The following GRK7 variants were observed in gnomAD, a reference collection of about 807,000 sequenced individuals.
The protein encoded by GRK7 is G protein-coupled receptor kinase 7.
In GRK7, 24 loss-of-function variants were observed where a neutral mutation model predicts 34.1. That is an observed-to-expected ratio of 0.70 (90% CI 0.51 to 0.99). GRK7 has a LOEUF of 0.99. Among genes scored for constraint, GRK7 ranks in the 50% least tolerant of loss-of-function variants. The pLI, the probability that GRK7 is intolerant of heterozygous loss-of-function variation, is 0.00. For missense variants in GRK7, 644 were observed against 707.3 expected (o/e 0.91, Z 1.02); for synonymous variants, 256 against 279.4 (o/e 0.92, Z 0.84).
At position 141,782,939 on chromosome 3, in the gene GRK7, G is replaced by T. The variant is rs368745528; in HGVS notation, c.1050+2128G>T. On this transcript the variant is annotated intron_variant, in intron 4 of 5. Transcript: ENST00000682958. ...TAACAATAGATTAAACAAGACAGAGGTTTATTTTTCTTATGTAACAGGGTG... is the reference window on the plus strand; with the variant it reads ...TAACAATAGATTAAACAAGACAGAGTTTTATTTTTCTTATGTAACAGGGTG... Among the ~76,000 whole-genome samples, 532 of 152,290 alleles carry T rather than the reference G, an allele frequency of 3.5e-3. 2 individuals carry two copies. Among genetic ancestry groups the T allele is most frequent in the Middle Eastern group, 0.017 (5 of 294 alleles).
the GRK7 span, among the ~76,000 whole-genome samples, chr3:141,752,909 A>G: frequency 6.6e-6 from 1 of 152,340 alleles, no homozygotes; most frequent in Admixed American, 6.5e-5. Context: ...GTGAGAAGGC[A>G]GCTATCTGCC....
upstream of GRK7, among the ~76,000 whole-genome samples, chr3:141,762,322 T>C (rs1308882530): frequency 2.0e-5 from 3 of 150,904 alleles, no homozygotes; most frequent in Admixed American, 6.6e-5. Flanking sequence ...TTTGTTAGTT[T>C]TCCTTCTAAC....
the GRK7 span, among the ~76,000 whole-genome samples, chr3:141,754,876 G>A: frequency 1.3e-5 from 2 of 152,032 alleles, no homozygotes; most frequent in African/African-American, 2.4e-5. Flanking sequence ...ACATCTTCAT[G>A]TTTATATTTT....
At chr3:141,786,485 C>T (rs1225918549) in intron 4 of GRK7, among the ~76,000 whole-genome samples, 1 of 152,086 alleles carries the variant, frequency 6.6e-6, no homozygotes, top group Non-Finnish European at 1.5e-5. Context: ...GTTTTAATTA[C>T]AGTTACTAGT....
At chr3:141,792,634 C>G (rs2084729923) in intron 4 of GRK7, among the ~76,000 whole-genome samples, 1 of 152,108 alleles carries the variant, frequency 6.6e-6, no homozygotes, top group East Asian at 1.9e-4. Flanking sequence ...TCCCTGGAAA[C>G]AGACTGAGAC....
intron 5 of GRK7, among the ~76,000 whole-genome samples, 192 bp from the exon 6 acceptor site, chr3:141,816,522 A>G (rs1041675532): frequency 2.0e-4 from 30 of 152,240 alleles, no homozygotes; most frequent in Admixed American, 2.0e-3. Context: ...TGAGAATGCT[A>G]CTGTCTACTT....
intron 4 of GRK7, among the ~76,000 whole-genome samples, chr3:141,789,201 G>A (rs1320421704): frequency 6.6e-6 from 1 of 152,122 alleles, no homozygotes; most frequent in East Asian, 1.9e-4. Flanking sequence ...AGTTATTATG[G>A]GACAGAACTA....
At chr3:141,815,236 TTTGTTTG>T (rs1559849441) in intron 5 of GRK7, among the ~76,000 whole-genome samples, 133 of 21,116 alleles carry the variant, frequency 6.3e-3, no homozygotes, top group African/African-American at 0.023. Flanking sequence ...GTTTTTTTTG[TTTGTTTG>T]TTTGTTTGTT....
At chr3:141,814,225 T>TAA (rs11448308) in intron 5 of GRK7, among the ~76,000 whole-genome samples, 5,095 of 151,834 alleles carry the variant, frequency 0.034, 269 homozygotes, top group African/African-American at 0.11. Flanking sequence ...GACATTTCTT[T>TAA]AAAAAAAAAT....
Position 141,780,614 on chromosome 3 carries a change from A to T in GRK7, c.853A>T (p.Thr285Ser). 1.2e-6 allele frequency: 2 copies of T among 1,614,202 alleles called. No individual in the cohort carries two copies. The highest frequency in any genetic ancestry group is 1.7e-6 in the Non-Finnish European group (2 of 1,180,034). The part of the protein sequence containing the change: ...DLKFHIYNVG[T>S]RGLDMSRVIF... ...CAAGTTCCACATCTACAACGTGGGC[A>T]CGCGTGGCCTGGACATGAGCCGGGT... Residue 285 changes from threonine (T) to serine (S), a missense_variant, in exon 4 of 6, where the codon ACG becomes TCG. Transcript: ENST00000682958.
chr3:141,780,132 C>T (rs1466928290), intron 3 of GRK7, among the ~76,000 whole-genome samples: 6 of 152,188 alleles, frequency 3.9e-5, no homozygotes, highest in Admixed American at 1.3e-4. Flanking sequence ...TTAAAGGTTT[C>T]GATTTCTCCA....
intron 4 of GRK7, among the ~76,000 whole-genome samples, chr3:141,799,588 G>C (rs1373127054): frequency 6.6e-6 from 1 of 151,892 alleles, no homozygotes; most frequent in Non-Finnish European, 1.5e-5. Flanking sequence ...CTCCAGTCTG[G>C]GTGATAGAGT....
the GRK7 span, among the ~76,000 whole-genome samples, chr3:141,754,432 C>CTT: frequency 3.3e-3 from 394 of 119,572 alleles, 6 homozygotes; most frequent in Middle Eastern, 8.8e-3. Flanking sequence ...TCACCACTGT[C>CTT]TTTTTTTTTT....
intron 1 of GRK7, among the ~76,000 whole-genome samples, chr3:141,774,024 G>C (rs567961483): frequency 1.4e-4 from 21 of 152,266 alleles, no homozygotes; most frequent in African/African-American, 4.6e-4. Context: ...CAGCACTTTT[G>C]GCAAAGTGTG....
At chr3:141,792,665 T>C (rs1164796452) in intron 4 of GRK7, among the ~76,000 whole-genome samples, 3 of 152,132 alleles carry the variant, frequency 2.0e-5, no homozygotes, top group Non-Finnish European at 2.9e-5. Context: ...ATGGAAGATA[T>C]TGGGGAGCTA....
At position 141,816,789 on chromosome 3, in the gene GRK7, T is replaced by C. The variant is rs1372712410; in HGVS notation, c.1401T>C (p.Ile467=). Residue 467 remains isoleucine, a synonymous_variant, in exon 6 of 6, where the codon ATT becomes ATC. Coordinates refer to ENST00000682958, the MANE Select transcript of GRK7 (RefSeq NM_139209.3). ...INFPRLEAGL[I]EPPFVPDPSV... is the part of the protein sequence containing the mutation. ...TTCCTCGCCTGGAAGCTGGCCTAAT[T>C]GAACCCCCATTTGTGCCAGACCCTT... 2 of 1,597,248 alleles carry C rather than the reference T, an allele frequency of 1.3e-6. No individual in the cohort carries two copies. Among genetic ancestry groups the C allele is most frequent in the South Asian group, 1.1e-5 (1 of 89,290 alleles).
intron 1 of GRK7, among the ~76,000 whole-genome samples, chr3:141,768,636 G>T (rs144578082): frequency 6.6e-6 from 1 of 151,864 alleles, no homozygotes; most frequent in Non-Finnish European, 1.5e-5. Context: ...CCCATCTCTC[G>T]CAACCCCTCC....
At chr3:141,762,605 G>T (rs1480802165), upstream of GRK7, among the ~76,000 whole-genome samples, 1 of 151,854 alleles carries the variant, frequency 6.6e-6, no homozygotes, top group East Asian at 1.9e-4. Context: ...GGAGCCTACG[G>T]AGGCAGGCAG....
At chr3:141,755,413 C>G in the GRK7 span, among the ~76,000 whole-genome samples, 1 of 151,928 alleles carries the variant, frequency 6.6e-6, no homozygotes, top group Non-Finnish European at 1.5e-5. Flanking sequence ...ACTGCTGCCT[C>G]AATGTCTCTA....
Sources: gnomAD v4.1 joint callset for allele counts (sites outside exome capture counted in the v4.1 genomes callset) on GRCh38, gnomAD v4.1.1 for gene constraint, MANE v1.5 for transcripts, NCBI Gene and HGNC (gene_info 2026-07-23, HGNC 2026-07-21) for gene names.